The following PRKCB variants were observed in gnomAD, a reference collection of about 807,000 sequenced individuals.
The protein encoded by PRKCB is protein kinase C beta type.
PRKCB carries 13 observed loss-of-function variants against 81.5 expected under a neutral mutation model. The ratio of observed to expected loss-of-function variants is 0.16; its 90% CI spans 0.10 to 0.25. The LOEUF (loss-of-function observed/expected upper bound fraction) is 0.25, where lower values mean the gene tolerates loss of function less well. Ranked by LOEUF, PRKCB falls within the 10% of genes least tolerant of loss-of-function variation. PRKCB has a pLI of 1.00. For synonymous variants in PRKCB, 335 were observed against 321.4 expected (o/e 1.04, Z -0.45); for missense variants, 509 against 875.7 (o/e 0.58, Z 5.29).
At chr16:24,203,632 G>A (rs77031916) in intron 16 of PRKCB, among the ~76,000 whole-genome samples, 8,143 of 152,212 alleles carry the variant, frequency 0.053, 334 homozygotes, top group East Asian at 0.19. Context: ...GACTTCCAGT[G>A]ACAGTTGAAT....
intron 2 of PRKCB, among the ~76,000 whole-genome samples, chr16:23,860,145 G>A (rs370295775): frequency 1.3e-5 from 2 of 152,212 alleles, no homozygotes; most frequent in African/African-American, 2.4e-5. Flanking sequence ...TTTGAAAAAG[G>A]GGTGAATGAT....
intron 5 of PRKCB, among the ~76,000 whole-genome samples, chr16:24,082,036 A>C (rs1337236166): frequency 6.6e-6 from 1 of 152,218 alleles, no homozygotes; most frequent in Non-Finnish European, 1.5e-5. Context: ...GTTGCAGCAT[A>C]CAAGTCAACA....
chr16:24,110,242 C>G (rs531584673), intron 7 of PRKCB, among the ~76,000 whole-genome samples: 4 of 151,580 alleles, frequency 2.6e-5, no homozygotes, highest in Non-Finnish European at 5.9e-5. Context: ...GACGGTGTCT[C>G]GCTCTGTTGC....
Position 23,981,578 on chromosome 16 carries a change from T to TCCTTTCCTTCCCTTCCCTTC in PRKCB, c.206-6921_206-6920insCCCTTCCCTTCCCTTTCCTT, listed in dbSNP as rs1188682175. On this transcript the variant is annotated intron_variant, in intron 2 of 16. Transcript: ENST00000643927. ...GTGGCCTTTCTTCTTTCCTTTCTTTTCCTTTCCTTTCCTTCCCTTCCCTTC... is the reference window on the plus strand; with the variant it reads ...GTGGCCTTTCTTCTTTCCTTTCTTTTCCTTTCCTTCCCTTCCCTTCCCTTTCCTTTCCTTCCCTTCCCTTC... Among the ~76,000 whole-genome samples the TCCTTTCCTTCCCTTCCCTTC allele has an allele frequency of 0.018, 513 of 28,470 alleles. 10 individuals carry two copies. The Middle Eastern group carries it at 0.19, about 10-fold the overall frequency. 18.7% of individuals were successfully genotyped at this position (28,470 alleles called of 152,430 possible).
chr16:24,092,399 A>G (rs976384142), intron 5 of PRKCB, among the ~76,000 whole-genome samples: 2 of 152,236 alleles, frequency 1.3e-5, no homozygotes, highest in Non-Finnish European at 2.9e-5. Flanking sequence ...TGGGATATCT[A>G]TACAATGGAA....
chr16:24,099,326 G>A (rs1966476703), intron 7 of PRKCB: 1 of 152,206 alleles, frequency 6.6e-6, no homozygotes, highest in African/African-American at 2.4e-5. Context: ...TACTTTCTGA[G>A]CTTCACTGTT....
intron 3 of PRKCB, among the ~76,000 whole-genome samples, chr16:23,990,415 A>G (rs1463254192): frequency 2.0e-5 from 3 of 151,358 alleles, no homozygotes; most frequent in East Asian, 1.9e-4. Flanking sequence ...CGGAGATCGC[A>G]CCACTGCACT....
At chr16:23,973,737 T>C (rs892625992) in intron 2 of PRKCB, among the ~76,000 whole-genome samples, 9 of 152,056 alleles carry the variant, frequency 5.9e-5, no homozygotes, top group African/African-American at 1.9e-4. Context: ...CTGGAGTGCA[T>C]TGGCATGATC....
chr16:24,051,787 A>C (rs1976195), intron 5 of PRKCB, among the ~76,000 whole-genome samples: 50,291 of 151,966 alleles, frequency 0.33, 10,291 homozygotes, highest in African/African-American at 0.58. Flanking sequence ...GAGACTGAGG[A>C]AGGAGGATCA....
At chr16:23,982,143 C>A (rs1596497504) in intron 2 of PRKCB, among the ~76,000 whole-genome samples, 1 of 45,568 alleles carries the variant, frequency 2.2e-5, no homozygotes, top group Non-Finnish European at 4.2e-5. Context: ...CCTTTCCCTT[C>A]CCTTTCCCTT....
intron 7 of PRKCB, among the ~76,000 whole-genome samples, chr16:24,111,557 CAGG>C (rs1463428833): frequency 2.0e-5 from 3 of 151,364 alleles, no homozygotes; most frequent in Non-Finnish European, 2.9e-5. Flanking sequence ...GATGCTGAGG[CAGG>C]AGGATTGCTT....
Position 24,109,526 on chromosome 16 carries a change from G to A in PRKCB, c.822-3447G>A, listed in dbSNP as rs576776217. On this transcript the variant is annotated intron_variant, in intron 7 of 16. Transcript: ENST00000643927. ...AGACGATGGGCGGCCGGGCAGAGAC[G>A]CTCCTCACTTCCTAGATGTGATGGC... Among the ~76,000 whole-genome samples, 3 of 120,344 alleles carry A rather than the reference G, an allele frequency of 2.5e-5. 1 individual carries two copies. The highest frequency in any genetic ancestry group is 5.2e-4 in the South Asian group (2 of 3,838). The allele number at this position is 120,344 out of a possible 152,430, so 79.0% of individuals were successfully genotyped here.
Position 24,215,491 on chromosome 16 carries a change from C to T in PRKCB, c.*675C>T, listed in dbSNP as rs1220168841. ...CTGATACTTTATGTCTTTGCTCACC[C>T]TCATCCCCAAACTACTTGAAAAGGG... On this transcript the variant is annotated 3_prime_UTR_variant, in exon 17 of 17. Transcript: ENST00000643927. 3.8e-5 allele frequency: 37 copies of T among 985,642 alleles called. No individual in the cohort carries two copies. The highest frequency in any genetic ancestry group is 4.3e-5 in the Non-Finnish European group (36 of 829,910). The allele number at this position is 985,642 out of a possible 1,614,324, so 61.1% of individuals were successfully genotyped here.
intron 5 of PRKCB, among the ~76,000 whole-genome samples, chr16:24,036,205 A>T (rs8056290): frequency 5.9e-5 from 9 of 151,680 alleles, no homozygotes; most frequent in African/African-American, 1.7e-4. Context: ...TGAGAGGAGG[A>T]GCTGCTGGTG....
At chr16:24,100,376 C>A (rs1014393492) in intron 7 of PRKCB, among the ~76,000 whole-genome samples, 2 of 152,180 alleles carry the variant, frequency 1.3e-5, no homozygotes, top group African/African-American at 2.4e-5. Flanking sequence ...TTTGGGGCAT[C>A]ATTCTGGCTT....
chr16:24,031,592 T>C (rs1965551889), intron 3 of PRKCB, among the ~76,000 whole-genome samples: 2 of 152,192 alleles, frequency 1.3e-5, no homozygotes, highest in South Asian at 4.1e-4. Flanking sequence ...GAAGAATGGA[T>C]ATTGGTGGAA....
intron 2 of PRKCB, among the ~76,000 whole-genome samples, chr16:23,923,899 A>G (rs1487808789): frequency 6.6e-6 from 1 of 152,090 alleles, no homozygotes; most frequent in Non-Finnish European, 1.5e-5. Flanking sequence ...TGCTTCCATG[A>G]TCACTGAGGG....
chr16:23,914,733 GA>G (rs1846644164), intron 2 of PRKCB, among the ~76,000 whole-genome samples: 1 of 152,162 alleles, frequency 6.6e-6, no homozygotes, highest in African/African-American at 2.4e-5. Context: ...GTGCCCAATC[GA>G]TTTCACTCAT....
chr16:23,972,298 C>G (rs1964568210), intron 2 of PRKCB, among the ~76,000 whole-genome samples: 1 of 152,116 alleles, frequency 6.6e-6, no homozygotes, highest in African/African-American at 2.4e-5. Flanking sequence ...TGCCCATGCT[C>G]TGTATCTCAA....
Sources: gnomAD v4.1 joint callset for allele counts (sites outside exome capture counted in the v4.1 genomes callset) on GRCh38, gnomAD v4.1.1 for gene constraint, MANE v1.5 for transcripts, NCBI Gene and HGNC (gene_info 2026-07-23, HGNC 2026-07-21) for gene names.